Variants in IRAG2 observed in about 807,000 individuals in gnomAD.
The protein encoded by IRAG2 is inositol 1,4,5-triphosphate receptor associated 2.
A neutral mutation model predicts 69.9 loss-of-function variants in IRAG2; 45 were observed. The observed-to-expected ratio is 0.64, with a 90% CI of 0.51 to 0.83. The LOEUF is 0.83. Among genes scored for constraint, IRAG2 ranks in the 40% least tolerant of loss-of-function variants. The pLI is 0.00. For missense variants in IRAG2, 520 were observed against 587.0 expected (o/e 0.89, Z 1.18); for synonymous variants, 193 against 202.4 (o/e 0.95, Z 0.40).
At chr12:25,080,912 C>T (rs1947160869) in intron 9 of IRAG2, among the ~76,000 whole-genome samples, 1 of 152,130 alleles carries the variant, frequency 6.6e-6, no homozygotes, top group African/African-American at 2.4e-5. Context: ...AAGAAAAGTG[C>T]TGTAGGGAAT....
intron 7 of IRAG2, among the ~76,000 whole-genome samples, chr12:25,021,453 A>T (rs894426301): frequency 4.1e-5 from 6 of 145,618 alleles, no homozygotes; most frequent in South Asian, 2.1e-4. Context: ...TCTCAGATTT[A>T]AAAAAAAACA....
intron 21 of IRAG2, among the ~76,000 whole-genome samples, chr12:25,107,347 A>C (rs548095016): frequency 2.0e-5 from 3 of 152,290 alleles, no homozygotes; most frequent in South Asian, 2.1e-4. Context: ...GCATGTATCC[A>C]TAGGAAAAAA....
intron 9 of IRAG2, 44 bp downstream of exon 9, chr12:25,079,807 C>A (rs113316396): frequency 2.0e-5 from 25 of 1,253,556 alleles, no homozygotes; most frequent in South Asian, 1.5e-4. Context: ...TTCTAAAACA[C>A]GAAGCAAGTC....
chr12:25,105,123 C>T (rs1018365708), intron 20 of IRAG2, among the ~76,000 whole-genome samples: 3 of 135,400 alleles, frequency 2.2e-5, no homozygotes, highest in Non-Finnish European at 4.6e-5. Flanking sequence ...GTCACCCAGG[C>T]TGGAGTGCAG....
intron 14 of IRAG2, chr12:25,035,892 G>C (rs1384442814): frequency 2.5e-6 from 1 of 397,196 alleles, no homozygotes; most frequent in Non-Finnish European, 4.4e-6. Context: ...TCTGTGTGCT[G>C]CTGAGACCCA....
intron 6 of IRAG2, among the ~76,000 whole-genome samples, chr12:25,072,413 C>T (rs1308921465): frequency 6.6e-6 from 1 of 152,064 alleles, no homozygotes; most frequent in African/African-American, 2.4e-5. Context: ...TTCTGCTCCA[C>T]TGGAGAATCT....
At chr12:25,014,837 C>T (rs990347040) in intron 3 of IRAG2, among the ~76,000 whole-genome samples, 4 of 150,034 alleles carry the variant, frequency 2.7e-5, no homozygotes, top group African/African-American at 4.9e-5. Flanking sequence ...CCTAATCCAC[C>T]GAGACCCCAC....
intron 10 of IRAG2, among the ~76,000 whole-genome samples, chr12:25,087,559 A>G (rs1947714337): frequency 6.6e-6 from 1 of 152,168 alleles, no homozygotes; most frequent in African/African-American, 2.4e-5. Flanking sequence ...TCATGTTTGC[A>G]TCTTTTCATG....
chr12:25,050,670 A>G (rs753015497), upstream of IRAG2, among the ~76,000 whole-genome samples: 1 of 152,152 alleles, frequency 6.6e-6, no homozygotes, highest in Non-Finnish European at 1.5e-5. Flanking sequence ...TGGAAGAGCT[A>G]TTTGCATTCC....
chr12:25,015,549 A>G (rs1172109937), intron 5 of IRAG2: 12 of 527,056 alleles, frequency 2.3e-5, no homozygotes, highest in Admixed American at 4.4e-5. Context: ...TAGAGCTAGC[A>G]TAACTGATTT....
At chr12:25,059,962 A>C (rs1237214591) in intron 1 of IRAG2, among the ~76,000 whole-genome samples, 1 of 152,242 alleles carries the variant, frequency 6.6e-6, no homozygotes, top group Non-Finnish European at 1.5e-5. Context: ...GTTGGTTTAT[A>C]AAATAAGAAG....
At chr12:25,076,095 TTACTC>T (rs1278623053) in intron 6 of IRAG2, among the ~76,000 whole-genome samples, 2 of 152,174 alleles carry the variant, frequency 1.3e-5, no homozygotes, top group African/African-American at 4.8e-5. Flanking sequence ...AAAATCTTCT[TTACTC>T]TAGTTAGTCT....
chr12:25,080,408 G>A (rs550363256), intron 9 of IRAG2, among the ~76,000 whole-genome samples: 100 of 149,686 alleles, frequency 6.7e-4, no homozygotes, highest in Non-Finnish European at 1.3e-3. Flanking sequence ...CTGCAGTGCA[G>A]TGGCATGATC....
chr12:25,064,382 AG>A (rs779843730), intron 4 of IRAG2, among the ~76,000 whole-genome samples: 15 of 152,236 alleles, frequency 9.9e-5, no homozygotes, highest in Non-Finnish European at 1.9e-4. Context: ...AAAGAGCCAA[AG>A]GTAGGCAAGT....
chr12:25,015,364 GAT>G lies in IRAG2; in HGVS notation c.995_996del (p.Ile332AsnfsTer17). 1 of 1,231,990 alleles carries G rather than the reference GAT, an allele frequency of 8.1e-7. No individual in the cohort carries two copies. The highest frequency in any genetic ancestry group is 1.0e-6 in the Non-Finnish European group (1 of 987,896). The allele number at this position is 1,231,990 out of a possible 1,614,324, so 76.3% of individuals were successfully genotyped here. A position where few individuals can be genotyped will look rare whatever the true frequency, so the allele number is the denominator to read the frequency against. Reference sequence around the variant, plus strand: ...ATGTGTTTCAGTGAAGATGAGCACAGATATAACAGATTCTACATTGGGGAGCT... The same window carrying G: ...ATGTGTTTCAGTGAAGATGAGCACAGATAACAGATTCTACATTGGGGAGCT... On this transcript the variant is annotated frameshift_variant, in exon 5 of 39. Coordinates refer to the IRAG2 transcript ENST00000636465. LOFTEE classifies it high-confidence loss of function.
intron 1 of IRAG2, chr12:25,005,191 T>A: frequency 2.2e-6 from 2 of 891,720 alleles, no homozygotes; most frequent in Non-Finnish European, 3.0e-6. Flanking sequence ...GGAAAATTAA[T>A]CATTATAGCA....
intron 9 of IRAG2, among the ~76,000 whole-genome samples, chr12:25,028,166 C>T (rs911128181): frequency 6.6e-6 from 1 of 152,160 alleles, no homozygotes; most frequent in African/African-American, 2.4e-5. Context: ...CTCAAGTGAT[C>T]TGCCCGCCTC....
Position 25,104,357 on chromosome 12 carries a change from T to G in IRAG2, c.1047-4T>G, listed in dbSNP as rs912390479. On this transcript the variant is annotated splice_region_variant and splice_polypyrimidine_tract_variant and intron_variant, in intron 19 of 21. Coordinates refer to ENST00000556887, the MANE Select transcript of IRAG2 (RefSeq NM_001366544.2). ...GACAAGTGGCTATAATCATCTTTAT[T>G]TAGGCGTATTTTGGGGTCAAAGCAG... is the stretch of plus-strand genomic sequence containing the variant. The G allele has an allele frequency of 6.3e-7, 1 of 1,580,798 alleles. No homozygotes were observed. Among genetic ancestry groups the G allele is most frequent in the Non-Finnish European group, 8.7e-7 (1 of 1,149,774 alleles).
chr12:25,082,488 C>T (rs1460199286), intron 9 of IRAG2, among the ~76,000 whole-genome samples: 1 of 151,560 alleles, frequency 6.6e-6, no homozygotes, highest in Non-Finnish European at 1.5e-5. Context: ...CAGTCCCAGA[C>T]ACTTGGGAGG....
Sources: allele counts gnomAD v4.1 joint callset (sites outside exome capture counted in the v4.1 genomes callset), GRCh38; gene constraint gnomAD v4.1.1; transcripts MANE v1.5; gene names NCBI Gene and HGNC (gene_info 2026-07-23, HGNC 2026-07-21).